Variants in CYP39A1 observed in about 807,000 individuals in gnomAD.
The protein encoded by CYP39A1 is 24-hydroxycholesterol 7-alpha-hydroxylase.
CYP39A1 carries 49 observed loss-of-function variants against 58.1 expected under a neutral mutation model. That is an observed-to-expected ratio of 0.84 (90% CI 0.67 to 1.07). The LOEUF is 1.07. Ranked by LOEUF, CYP39A1 falls within the 50% of genes least tolerant of loss-of-function variation. The pLI is 0.00. For synonymous variants in CYP39A1, 209 were observed against 187.6 expected (o/e 1.11, Z -0.93); for missense variants, 531 against 539.4 (o/e 0.98, Z 0.16).
rs1451735047 is a variant in CYP39A1, at chr6:46,586,985, T to C, written c.1250+92A>G. On this transcript the variant is annotated intron_variant, in intron 10 of 11. Coordinates refer to ENST00000275016, the MANE Select transcript of CYP39A1 (RefSeq NM_016593.5). ...TGGATTTCCCTATAGTTTAAATATATATATAAAGAGATTAAGCCAAAGTTG... is the reference window on the plus strand; with the variant it reads ...TGGATTTCCCTATAGTTTAAATATACATATAAAGAGATTAAGCCAAAGTTG... 7 of 802,362 alleles carry C rather than the reference T, an allele frequency of 8.7e-6. No individual in the cohort carries two copies. The African/African-American group carries it at 1.0e-4, about 12-fold the overall frequency. The allele number at this position is 802,362 out of a possible 1,614,324, so 49.7% of individuals were successfully genotyped here. A position where few individuals can be genotyped will look rare whatever the true frequency, so the allele number is the denominator to read the frequency against.
chr6:46,622,733 AAGGTGTAC>A (rs1775041863), intron 7 of CYP39A1, among the ~76,000 whole-genome samples: 1 of 152,208 alleles, frequency 6.6e-6, no homozygotes, highest in Non-Finnish European at 1.5e-5. Flanking sequence ...ACTTAGATAG[AAGGTGTAC>A]AGGATTAGTT....
intron 7 of CYP39A1, among the ~76,000 whole-genome samples, 197 bp from the exon 8 acceptor site, chr6:46,596,317 C>A (rs904190155): frequency 3.8e-4 from 57 of 151,978 alleles, no homozygotes; most frequent in African/African-American, 1.3e-3. Context: ...AAATGTATGA[C>A]ACAAAAAACT....
chr6:46,570,554 G>A (rs1054992513), intron 10 of CYP39A1, among the ~76,000 whole-genome samples: 17 of 152,110 alleles, frequency 1.1e-4, no homozygotes, highest in Admixed American at 3.9e-4. Flanking sequence ...TGCTATGAAG[G>A]AATACTTGAG....
chr6:46,589,822 A>T (rs1409911969), intron 8 of CYP39A1, among the ~76,000 whole-genome samples: 1 of 152,146 alleles, frequency 6.6e-6, no homozygotes, highest in African/African-American at 2.4e-5. Flanking sequence ...GCCTTCAGTC[A>T]GGACAACCAC....
At position 46,625,433 on chromosome 6, in the gene CYP39A1, CAG is replaced by C. The variant is rs1190812801; in HGVS notation, c.914_915del (p.Ser305CysfsTer9). The C allele has an allele frequency of 7.5e-6, 12 of 1,608,542 alleles. No individual in the cohort carries two copies. Among genetic ancestry groups the C allele is most frequent in the Admixed American group, 5.0e-5 (3 of 59,718 alleles). The stretch of plus-strand genomic sequence containing the variant: ...GGTTTAGTACCTGCTTTGCCAAACA[CAG>C]AAGATATGCCTTCCATAATGGCCTT... ...IHKAIMEGIS[S>X]VFGKAGKDKI... On this transcript the variant is annotated frameshift_variant, in exon 7 of 12. Transcript: ENST00000275016. LOFTEE classifies it high-confidence loss of function.
intron 10 of CYP39A1, among the ~76,000 whole-genome samples, chr6:46,582,668 A>T (rs532344370): frequency 2.0e-5 from 3 of 151,622 alleles, no homozygotes; most frequent in Non-Finnish European, 2.9e-5. Context: ...GTCATGTGCC[A>T]TCTTAAGCTG....
At chr6:46,586,347 C>T in intron 10 of CYP39A1, 1 of 984,366 alleles carries the variant, frequency 1.0e-6, no homozygotes, top group Non-Finnish European at 1.2e-6. Context: ...TGACATTTCC[C>T]CTACAGAATC....
At chr6:46,553,315 T>A (rs1352486455) in intron 11 of CYP39A1, among the ~76,000 whole-genome samples, 1 of 152,210 alleles carries the variant, frequency 6.6e-6, no homozygotes, top group Non-Finnish European at 1.5e-5. Context: ...GACCTTTTCA[T>A]TTCTGTTCAC....
intron 1 of CYP39A1, among the ~76,000 whole-genome samples, chr6:46,650,111 T>TACACACACACACACACACACACAC (rs3085603): frequency 2.7e-5 from 4 of 147,042 alleles, no homozygotes; most frequent in South Asian, 2.2e-4. Flanking sequence ...TTACTACATT[T>TACACACACACACACACACACACAC]ACACACACAC....
chr6:46,571,762 C>T (rs1771596135), intron 10 of CYP39A1, among the ~76,000 whole-genome samples: 1 of 151,866 alleles, frequency 6.6e-6, no homozygotes, highest in African/African-American at 2.4e-5. Flanking sequence ...CTCACTATTG[C>T]CATTTTGTAA....
At chr6:46,615,281 C>T (rs1294104363) in intron 7 of CYP39A1, among the ~76,000 whole-genome samples, 1 of 150,864 alleles carries the variant, frequency 6.6e-6, no homozygotes, top group Non-Finnish European at 1.5e-5. Context: ...AATATAAATA[C>T]ATTTTATAAC....
rs141900654 is a variant in CYP39A1, at chr6:46,559,354, A to C, written c.1251-5500T>G. On this transcript the variant is annotated intron_variant, in intron 10 of 11. Coordinates refer to ENST00000275016, the MANE Select transcript of CYP39A1 (RefSeq NM_016593.5). The stretch of plus-strand genomic sequence containing the variant: ...CTGTGACTATTTTGCAAAAGAGACA[A>C]ACACATTGCCATGTAAAGGCATATA... Among the ~76,000 whole-genome samples the C allele has an allele frequency of 1.8e-3, 277 of 152,330 alleles. 5 individuals are homozygous for C. The South Asian group carries it at 0.027, about 15-fold the overall frequency.
intron 10 of CYP39A1, among the ~76,000 whole-genome samples, chr6:46,572,636 G>A (rs1209413561): frequency 6.6e-6 from 1 of 152,116 alleles, no homozygotes; most frequent in Admixed American, 6.6e-5. Context: ...AAGGTGTCAT[G>A]GTGAAGTTCT....
At chr6:46,628,838 T>C (rs1008902475) in intron 6 of CYP39A1, among the ~76,000 whole-genome samples, 2 of 152,180 alleles carry the variant, frequency 1.3e-5, no homozygotes, top group Non-Finnish European at 2.9e-5. Flanking sequence ...TAACGGGCCA[T>C]TGAAAATAAT....
intron 10 of CYP39A1, among the ~76,000 whole-genome samples, chr6:46,565,886 G>A (rs953314651): frequency 2.0e-5 from 3 of 152,140 alleles, no homozygotes; most frequent in African/African-American, 7.2e-5. Context: ...CTCCAGCTTG[G>A]GGAGACAGAT....
At chr6:46,605,399 C>A (rs563973613) in intron 7 of CYP39A1, among the ~76,000 whole-genome samples, 10 of 152,244 alleles carry the variant, frequency 6.6e-5, no homozygotes, top group African/African-American at 1.9e-4. Context: ...AAGGAAAATT[C>A]TTTGGCAGAC....
intron 7 of CYP39A1, among the ~76,000 whole-genome samples, chr6:46,600,498 C>T (rs1386468394): frequency 2.6e-5 from 4 of 152,076 alleles, no homozygotes; most frequent in African/African-American, 4.8e-5. Flanking sequence ...TCAAAGGAAC[C>T]AACCATGAGA....
intron 7 of CYP39A1, among the ~76,000 whole-genome samples, chr6:46,617,430 T>C (rs934288137): frequency 1.3e-5 from 2 of 152,206 alleles, no homozygotes; most frequent in South Asian, 2.1e-4. Context: ...CCTACCATCA[T>C]GGCCACAGGT....
chr6:46,578,910 C>T (rs1771980924), intron 10 of CYP39A1, among the ~76,000 whole-genome samples: 2 of 151,894 alleles, frequency 1.3e-5, no homozygotes, highest in African/African-American at 4.8e-5. Flanking sequence ...ATTATTGGTA[C>T]TGAAATTATT....
Sources: allele counts gnomAD v4.1 joint callset (sites outside exome capture counted in the v4.1 genomes callset), GRCh38; gene constraint gnomAD v4.1.1; transcripts MANE v1.5; gene names NCBI Gene and HGNC (gene_info 2026-07-23, HGNC 2026-07-21).